PDZRN3: variants seen among roughly 807,000 people sequenced by gnomAD.
The protein encoded by PDZRN3 is PDZ domain containing ring finger 3.
PDZRN3 carries 38 observed loss-of-function variants against 85.7 expected under a neutral mutation model. The observed-to-expected ratio is 0.44, with a 90% CI of 0.34 to 0.58. PDZRN3 has a LOEUF of 0.58. Among genes scored for constraint, PDZRN3 ranks in the 20% least tolerant of loss-of-function variants. PDZRN3 has a pLI of 0.01. For synonymous variants in PDZRN3, 759 were observed against 638.0 expected (o/e 1.19, Z -2.86); for missense variants, 1,629 against 1,506.4 (o/e 1.08, Z -1.35).
Position 73,382,909 on chromosome 3 carries a change from G to A in PDZRN3, c.*456C>T, listed in dbSNP as rs550044819. ...TAAATGATAATATCTTAACGGTCAC[G>A]CATATGAAACACATTCAGTAACGTA... On this transcript the variant is annotated 3_prime_UTR_variant, in exon 10 of 10. Coordinates refer to ENST00000263666, the MANE Select transcript of PDZRN3 (RefSeq NM_015009.3). 1 of 157,540 alleles carries A rather than the reference G, an allele frequency of 6.3e-6. No individual in the cohort carries two copies. The highest frequency in any genetic ancestry group is 1.4e-5 in the Non-Finnish European group (1 of 70,974). 9.8% of individuals were successfully genotyped at this position (157,540 alleles called of 1,614,324 possible).
chr3:73,616,130 A>C (rs942951400), intron 1 of PDZRN3, among the ~76,000 whole-genome samples: 2 of 152,190 alleles, frequency 1.3e-5, no homozygotes, highest in Non-Finnish European at 2.9e-5. Flanking sequence ...CTCTCCATGT[A>C]ATCTCTGCAC....
intron 3 of PDZRN3, among the ~76,000 whole-genome samples, chr3:73,599,717 T>C (rs549511563): frequency 1.3e-5 from 2 of 152,358 alleles, no homozygotes; most frequent in Middle Eastern, 3.4e-3. Flanking sequence ...ACCTGTTCAC[T>C]ACCATGGAAA....
intron 3 of PDZRN3, among the ~76,000 whole-genome samples, chr3:73,573,792 CATAT>C (rs1702077356): frequency 1.4e-5 from 2 of 147,612 alleles, no homozygotes; most frequent in South Asian, 4.4e-4. Context: ...TATACATATA[CATAT>C]ACATACACAT....
At chr3:73,451,983 T>C (rs1702871314) in intron 3 of PDZRN3, among the ~76,000 whole-genome samples, 1 of 151,940 alleles carries the variant, frequency 6.6e-6, no homozygotes, top group African/African-American at 2.4e-5. Flanking sequence ...ACAGAGAAAA[T>C]TGTGAGGGCC....
At chr3:73,578,513 T>C (rs763358861) in intron 3 of PDZRN3, among the ~76,000 whole-genome samples, 20 of 152,034 alleles carry the variant, frequency 1.3e-4, no homozygotes, top group Non-Finnish European at 2.8e-4. Flanking sequence ...ACTGTTCCCG[T>C]TACATAGGGG....
intron 5 of PDZRN3, among the ~76,000 whole-genome samples, chr3:73,399,208 T>G (rs1701700947): frequency 6.6e-6 from 1 of 152,192 alleles, no homozygotes; most frequent in Admixed American, 6.5e-5. Context: ...ACTTCATAAC[T>G]CTAGCTTCTG....
At chr3:73,437,141 AT>A (rs571268573) in intron 3 of PDZRN3, among the ~76,000 whole-genome samples, 19 of 152,226 alleles carry the variant, frequency 1.2e-4, no homozygotes, top group African/African-American at 4.3e-4. Flanking sequence ...ATAATCAGAA[AT>A]TTTAAATTTA....
chr3:73,593,562 C>T (rs1702391161), intron 3 of PDZRN3, among the ~76,000 whole-genome samples: 1 of 152,008 alleles, frequency 6.6e-6, no homozygotes, highest in African/African-American at 2.4e-5. Flanking sequence ...ATACCTGGCG[C>T]CATATGCTAT....
intron 3 of PDZRN3, among the ~76,000 whole-genome samples, chr3:73,412,858 T>C (rs1286242717): frequency 1.3e-5 from 2 of 152,156 alleles, no homozygotes; most frequent in African/African-American, 4.8e-5. Context: ...CATGTATTGA[T>C]AAAGTGGTGA....
chr3:73,408,684 A>AGAT (rs1347633294), intron 3 of PDZRN3, among the ~76,000 whole-genome samples: 1 of 152,168 alleles, frequency 6.6e-6, no homozygotes, highest in African/African-American at 2.4e-5. Flanking sequence ...TTCTCTTAAA[A>AGAT]GATGATGAGA....
intron 3 of PDZRN3, among the ~76,000 whole-genome samples, chr3:73,473,245 TA>T (rs1703382533): frequency 6.6e-6 from 1 of 152,058 alleles, no homozygotes; most frequent in African/African-American, 2.4e-5. Flanking sequence ...TTCGCAGAAA[TA>T]TTTTTTTTTC....
intron 3 of PDZRN3, among the ~76,000 whole-genome samples, chr3:73,404,952 C>T (rs995046256): frequency 3.9e-5 from 6 of 152,180 alleles, no homozygotes; most frequent in Admixed American, 1.3e-4. Flanking sequence ...AAATGGCCAG[C>T]GTTTGGGGGA....
intron 3 of PDZRN3, among the ~76,000 whole-genome samples, chr3:73,516,567 T>G (rs1369582510): frequency 1.3e-5 from 2 of 152,224 alleles, no homozygotes; most frequent in Non-Finnish European, 2.9e-5. Flanking sequence ...GCCCTTCATC[T>G]CCTCTTGCTA....
chr3:73,457,067 T>A (rs1702999045), intron 3 of PDZRN3, among the ~76,000 whole-genome samples: 1 of 152,094 alleles, frequency 6.6e-6, no homozygotes, highest in African/African-American at 2.4e-5. Flanking sequence ...AGAAAGAAAT[T>A]TCTACCTTAG....
At chr3:73,411,799 A>G (rs1307228487) in intron 3 of PDZRN3, among the ~76,000 whole-genome samples, 1 of 152,166 alleles carries the variant, frequency 6.6e-6, no homozygotes, top group African/African-American at 2.4e-5. Flanking sequence ...TCACCTTTTT[A>G]TATATGAGTG....
chr3:73,533,457 C>A (rs1213248211), intron 3 of PDZRN3, among the ~76,000 whole-genome samples: 1 of 152,118 alleles, frequency 6.6e-6, no homozygotes, highest in Non-Finnish European at 1.5e-5. Flanking sequence ...AATCACATAT[C>A]AATCTTTTTT....
In PDZRN3 at chr3:73,388,083, A is replaced by C; in HGVS notation, c.1417-14T>G. 293 of 907,874 alleles carry C rather than the reference A, an allele frequency of 3.2e-4. No individual in the cohort carries two copies. The highest frequency in any genetic ancestry group is 4.5e-4 in the Non-Finnish European group (262 of 588,680). The allele number at this position is 907,874 out of a possible 1,614,324, so 56.2% of individuals were successfully genotyped here. The stretch of plus-strand genomic sequence containing the variant: ...TATCCCATTAATCTTTTAAAAAAAA[A>C]GGGGGGGTGGGGAGAGTGGGGAGAC... On this transcript the variant is annotated splice_polypyrimidine_tract_variant and intron_variant, in intron 7 of 9. Coordinates refer to ENST00000263666, the MANE Select transcript of PDZRN3 (RefSeq NM_015009.3).
intron 3 of PDZRN3, among the ~76,000 whole-genome samples, chr3:73,451,147 C>T (rs545645493): frequency 3.4e-4 from 52 of 152,062 alleles, no homozygotes; most frequent in Non-Finnish European, 5.6e-4. Context: ...CTGTGTTCCT[C>T]GGAGCTGCAA....
At chr3:73,519,507 G>A (rs751994316) in intron 3 of PDZRN3, among the ~76,000 whole-genome samples, 31 of 152,222 alleles carry the variant, frequency 2.0e-4, no homozygotes, top group Non-Finnish European at 3.7e-4. Flanking sequence ...CACAAGGAAT[G>A]TGTTTATGGG....
Sources: gnomAD v4.1 joint callset for allele counts (sites outside exome capture counted in the v4.1 genomes callset) on GRCh38, gnomAD v4.1.1 for gene constraint, MANE v1.5 for transcripts, NCBI Gene and HGNC (gene_info 2026-07-23, HGNC 2026-07-21) for gene names.